Variants in WDFY3 observed in about 807,000 individuals in gnomAD.
WDFY3 encodes WD repeat and FYVE domain-containing protein 3.
In WDFY3, 66 loss-of-function variants were observed where a neutral mutation model predicts 409.6. That is an observed-to-expected ratio of 0.16 (90% CI 0.13 to 0.20). The LOEUF is 0.20. Ranked by LOEUF, WDFY3 falls within the 10% of genes least tolerant of loss-of-function variation. WDFY3 has a pLI of 1.00. For missense variants in WDFY3, 3,031 were observed against 4,298.1 expected (o/e 0.71, Z 8.24); for synonymous variants, 1,521 against 1,537.1 (o/e 0.99, Z 0.25).
At chr4:84,824,411 T>A (rs1754549324) in intron 10 of WDFY3, among the ~76,000 whole-genome samples, 1 of 152,182 alleles carries the variant, frequency 6.6e-6, no homozygotes. Flanking sequence ...TATAGGGGTT[T>A]GGTACTATCT....
At chr4:84,887,683 TCA>T (rs2150472237) in intron 3 of WDFY3, among the ~76,000 whole-genome samples, 1 of 152,302 alleles carries the variant, frequency 6.6e-6, no homozygotes, top group East Asian at 1.9e-4. Flanking sequence ...ATATGGAAGC[TCA>T]GAGTTTAAGC....
At chr4:84,929,874 G>A (rs759715200) in intron 2 of WDFY3, among the ~76,000 whole-genome samples, 4 of 151,648 alleles carry the variant, frequency 2.6e-5, no homozygotes, top group Non-Finnish European at 5.9e-5. Context: ...TCGCACCACT[G>A]CACTCCAGCC....
chr4:84,866,262 C>T (rs1045173386), intron 3 of WDFY3, among the ~76,000 whole-genome samples: 1 of 152,074 alleles, frequency 6.6e-6, no homozygotes, highest in Non-Finnish European at 1.5e-5. Flanking sequence ...GGTCTGGAGA[C>T]AGGGCATCTA....
intron 24 of WDFY3, among the ~76,000 whole-genome samples, chr4:84,784,611 G>C (rs1747135570): frequency 1.3e-5 from 2 of 151,816 alleles, no homozygotes; most frequent in Admixed American, 1.3e-4. Flanking sequence ...GCTGAGGCAG[G>C]TGGATCACCT....
At chr4:84,833,119 G>A (rs936273699) in intron 7 of WDFY3, among the ~76,000 whole-genome samples, 1 of 151,886 alleles carries the variant, frequency 6.6e-6, no homozygotes, top group Non-Finnish European at 1.5e-5. Context: ...CTTTAACTGT[G>A]ATTTGCAGAA....
At chr4:84,793,398 G>A (rs1474934688) in intron 21 of WDFY3, among the ~76,000 whole-genome samples, 2 of 152,176 alleles carry the variant, frequency 1.3e-5, no homozygotes, top group Non-Finnish European at 2.9e-5. Context: ...CTGGAAATAT[G>A]AGGACATAGC....
intron 67 of WDFY3, 37 bp downstream of exon 67, chr4:84,677,162 A>T: frequency 1.9e-6 from 3 of 1,611,654 alleles, no homozygotes; most frequent in Non-Finnish European, 2.5e-6. Flanking sequence ...TTAGAGCTTA[A>T]TCAATGTAAA....
At chr4:84,853,210 C>T (rs866298073) in intron 4 of WDFY3, among the ~76,000 whole-genome samples, 1 of 152,186 alleles carries the variant, frequency 6.6e-6, no homozygotes. Context: ...TCTTGTTGCC[C>T]AGGCTGGAGT....
intron 5 of WDFY3, chr4:84,844,335 C>CTA: frequency 1.6e-6 from 1 of 611,696 alleles, no homozygotes; most frequent in Non-Finnish European, 2.4e-6. Flanking sequence ...AAGCCCTAAA[C>CTA]ACCCTTGCCC....
intron 56 of WDFY3, among the ~76,000 whole-genome samples, chr4:84,700,475 A>G (rs1730899173): frequency 6.6e-6 from 1 of 152,210 alleles, no homozygotes; most frequent in Admixed American, 6.5e-5. Context: ...AAGTGCTGGG[A>G]TTACAGGTGT....
chr4:84,760,856 T>A (rs1742444174), intron 32 of WDFY3, among the ~76,000 whole-genome samples: 2 of 145,266 alleles, frequency 1.4e-5, no homozygotes, highest in South Asian at 4.7e-4. Context: ...AGCTTTTGAA[T>A]GTGTTTGCTC....
At chr4:84,823,364 T>C (rs1754373097) in intron 10 of WDFY3, among the ~76,000 whole-genome samples, 1 of 151,834 alleles carries the variant, frequency 6.6e-6, no homozygotes, top group South Asian at 2.1e-4. Flanking sequence ...GAAGAAAACA[T>C]TAGAGATCTT....
intron 9 of WDFY3, among the ~76,000 whole-genome samples, chr4:84,827,526 G>T (rs1354460289): frequency 6.6e-6 from 1 of 152,044 alleles, no homozygotes; most frequent in African/African-American, 2.4e-5. Context: ...CCAACAGCTG[G>T]CATAATGCAA....
intron 29 of WDFY3, among the ~76,000 whole-genome samples, chr4:84,773,604 C>CAAAGTGACCATTA (rs1030579238): frequency 2.6e-5 from 4 of 152,160 alleles, no homozygotes; most frequent in African/African-American, 9.7e-5. Flanking sequence ...ATAATTTCAG[C>CAAAGTGACCATTA]AAAGTGACCA....
intron 5 of WDFY3, among the ~76,000 whole-genome samples, chr4:84,845,224 G>T (rs1289256991): frequency 6.6e-6 from 1 of 152,120 alleles, no homozygotes; most frequent in African/African-American, 2.4e-5. Context: ...GGTGAACAAC[G>T]AACACAGCCA....
At chr4:84,937,690 T>G (rs1342587705) in intron 1 of WDFY3, among the ~76,000 whole-genome samples, 2 of 152,150 alleles carry the variant, frequency 1.3e-5, no homozygotes, top group African/African-American at 4.8e-5. Flanking sequence ...CCCATCTCAC[T>G]CAGAGTAGGC....
At chr4:84,750,462 G>A (rs1740323264) in intron 36 of WDFY3, among the ~76,000 whole-genome samples, 1 of 151,774 alleles carries the variant, frequency 6.6e-6, no homozygotes. Flanking sequence ...AGCCACTAGA[G>A]GGAGCACAAA....
In WDFY3 at chr4:84,898,423, T is replaced by G. The variant is rs1313431020; in HGVS notation, c.-131-1413A>C. 2.0e-5 allele frequency among the ~76,000 whole-genome samples: 3 copies of G among 152,172 alleles called. No homozygotes were observed. The East Asian group carries it at 5.8e-4, about 29-fold the overall frequency. On this transcript the variant is annotated intron_variant, in intron 2 of 67. Coordinates refer to ENST00000295888, the MANE Select transcript of WDFY3 (RefSeq NM_014991.6). ...GCCCGCAGAAAGTAGAAAAGAGTTT[T>G]TTTGTTTGTTTCGTCCCCAAATAGT...
At chr4:84,881,703 A>G (rs970647374) in intron 3 of WDFY3, among the ~76,000 whole-genome samples, 4 of 151,928 alleles carry the variant, frequency 2.6e-5, no homozygotes, top group East Asian at 1.9e-4. Context: ...CCCGGGAAAC[A>G]TAACAAGACC....
Sources: allele counts gnomAD v4.1 joint callset (sites outside exome capture counted in the v4.1 genomes callset), GRCh38; gene constraint gnomAD v4.1.1; transcripts MANE v1.5; gene names NCBI Gene and HGNC (gene_info 2026-07-23, HGNC 2026-07-21).